The following ATP8B4 variants were observed in gnomAD, a reference collection of about 807,000 sequenced individuals.
The protein encoded by ATP8B4 is probable phospholipid-transporting ATPase IM.
In ATP8B4, 133 loss-of-function variants were observed where a neutral mutation model predicts 145.6. The ratio of observed to expected loss-of-function variants is 0.91; its 90% CI spans 0.79 to 1.05. The LOEUF (loss-of-function observed/expected upper bound fraction) is 1.05, where lower values mean the gene tolerates loss of function less well. Among genes scored for constraint, ATP8B4 ranks in the 50% least tolerant of loss-of-function variants. ATP8B4 has a pLI of 0.00. For synonymous variants in ATP8B4, 507 were observed against 492.9 expected (o/e 1.03, Z -0.38); for missense variants, 1,458 against 1,425.2 (o/e 1.02, Z -0.37).
intron 9 of ATP8B4, among the ~76,000 whole-genome samples, chr15:49,993,203 T>C (rs147250071): frequency 7.2e-4 from 108 of 151,044 alleles, no homozygotes; most frequent in Non-Finnish European, 1.4e-3. Context: ...GAGAGAGTGA[T>C]AAAAACAAAG....
At chr15:49,861,422 G>C (rs62020392) in intron 27 of ATP8B4, among the ~76,000 whole-genome samples, 358 of 148,360 alleles carry the variant, frequency 2.4e-3, no homozygotes, top group Non-Finnish European at 4.0e-3. Context: ...GTGTGTGTGT[G>C]TGTCTGTCTG....
intron 14 of ATP8B4, among the ~76,000 whole-genome samples, chr15:49,960,481 A>G (rs1314246656): frequency 6.6e-6 from 1 of 152,198 alleles, no homozygotes; most frequent in Admixed American, 6.5e-5. Flanking sequence ...ATAAATGGGT[A>G]AAGTCAGTAA....
chr15:50,080,572 AG>A (rs919374722), intron 2 of ATP8B4, among the ~76,000 whole-genome samples: 10 of 152,088 alleles, frequency 6.6e-5, no homozygotes, highest in African/African-American at 2.4e-4. Context: ...AAAAGATGAG[AG>A]GGACATAATA....
chr15:49,905,552 T>C (rs536423501), intron 20 of ATP8B4, among the ~76,000 whole-genome samples: 36 of 152,212 alleles, frequency 2.4e-4, no homozygotes, highest in Non-Finnish European at 4.3e-4. Flanking sequence ...TTCTCTTACA[T>C]AGAATTTTCT....
At chr15:50,143,371 G>C (rs907451897) in intron 1 of ATP8B4, among the ~76,000 whole-genome samples, 3 of 152,194 alleles carry the variant, frequency 2.0e-5, no homozygotes, top group Admixed American at 6.5e-5. Flanking sequence ...TCACTCACAT[G>C]GTGGGCACAT....
chr15:50,085,945 G>A (rs1414631930), intron 2 of ATP8B4, among the ~76,000 whole-genome samples: 1 of 87,098 alleles, frequency 1.1e-5, no homozygotes, highest in Non-Finnish European at 2.0e-5. Context: ...ATTTATATAT[G>A]ATATATATCA....
intron 23 of ATP8B4, 35 bp from the exon 24 acceptor site, chr15:49,879,494 C>T (rs1757649608): frequency 1.3e-6 from 2 of 1,530,908 alleles, no homozygotes; most frequent in Admixed American, 1.8e-5. Flanking sequence ...TGAGAAACAT[C>T]ATCCATAGTA....
chr15:49,919,372 C>T (rs780258767), intron 18 of ATP8B4, among the ~76,000 whole-genome samples: 2 of 152,130 alleles, frequency 1.3e-5, no homozygotes, highest in African/African-American at 2.4e-5. Flanking sequence ...AACCAGCAGA[C>T]GCCATAAACT....
intron 17 of ATP8B4, among the ~76,000 whole-genome samples, chr15:49,921,384 G>A (rs991716757): frequency 1.4e-4 from 22 of 152,226 alleles, no homozygotes; most frequent in Admixed American, 1.3e-3. Context: ...TTCCTGTATC[G>A]TGACAATCTC....
At chr15:50,104,319 A>T (rs1209918184) in intron 2 of ATP8B4, among the ~76,000 whole-genome samples, 1 of 152,158 alleles carries the variant, frequency 6.6e-6, no homozygotes, top group African/African-American at 2.4e-5. Context: ...AAATCTTCAC[A>T]ATCTATACAT....
intron 6 of ATP8B4, among the ~76,000 whole-genome samples, chr15:50,018,381 C>T (rs1342721088): frequency 6.6e-6 from 1 of 152,178 alleles, no homozygotes; most frequent in East Asian, 1.9e-4. Context: ...AAAATGACCC[C>T]TCTAATCTAG....
At chr15:50,077,083 T>A (rs1001913354) in intron 2 of ATP8B4, among the ~76,000 whole-genome samples, 14 of 152,316 alleles carry the variant, frequency 9.2e-5, no homozygotes, top group Non-Finnish European at 1.9e-4. Context: ...CTTCCATATG[T>A]AAGAGGAATG....
At chr15:50,087,733 T>C (rs910610683) in intron 2 of ATP8B4, among the ~76,000 whole-genome samples, 8 of 152,028 alleles carry the variant, frequency 5.3e-5, no homozygotes, top group Non-Finnish European at 7.4e-5. Context: ...TTATGTGACA[T>C]TGTGAAGTCA....
chr15:50,111,886 G>T (rs1017299031), intron 1 of ATP8B4, among the ~76,000 whole-genome samples: 17 of 152,214 alleles, frequency 1.1e-4, no homozygotes, highest in South Asian at 4.1e-4. Flanking sequence ...AGGAGATAAT[G>T]GCTGGGCGGG....
chr15:49,886,096 G>T (rs192581955), intron 23 of ATP8B4, among the ~76,000 whole-genome samples: 40 of 152,194 alleles, frequency 2.6e-4, no homozygotes, highest in Non-Finnish European at 5.4e-4. Flanking sequence ...TTATATGCTG[G>T]TTCCTAGCCC....
At position 49,972,611 on chromosome 15, in the gene ATP8B4, T is replaced by G; in HGVS notation, c.1214A>C (p.Lys405Thr). 1 of 1,613,766 alleles carries G rather than the reference T, an allele frequency of 6.2e-7. No homozygotes were observed. Among genetic ancestry groups the G allele is most frequent in the Non-Finnish European group, 8.5e-7 (1 of 1,179,766 alleles). The change falls in exon 13 of 28, where the codon AAA (lysine) becomes ACA (threonine). Residue 405 changes from lysine (K) to threonine (T), a missense_variant. By Grantham distance (78) the Lys-to-Thr change is moderately conservative (BLOSUM62 -1). Transcript: ENST00000284509. ...GTLTQNIMTF[K>T]RCSINGRIYG... ...GATTCTCCCATTAATGGAACATCTTTTAAAGGTCATGATGTTTTGAGTGAG... is the reference window on the plus strand; with the variant it reads ...GATTCTCCCATTAATGGAACATCTTGTAAAGGTCATGATGTTTTGAGTGAG...
chr15:50,026,864 G>A (rs1345211295), intron 6 of ATP8B4, among the ~76,000 whole-genome samples: 1 of 152,144 alleles, frequency 6.6e-6, no homozygotes, highest in Non-Finnish European at 1.5e-5. Context: ...TGGTACTTGT[G>A]ACGGACCACA....
chr15:50,004,811 C>T (rs1056437844), intron 7 of ATP8B4, among the ~76,000 whole-genome samples: 1 of 152,034 alleles, frequency 6.6e-6, no homozygotes, highest in African/African-American at 2.4e-5. Context: ...CAAGGGATAC[C>T]AAAATGAGTA....
At chr15:50,081,709 G>A (rs2054569506) in intron 2 of ATP8B4, among the ~76,000 whole-genome samples, 2 of 152,242 alleles carry the variant, frequency 1.3e-5, no homozygotes, top group Admixed American at 1.3e-4. Context: ...AAGAGCAAGA[G>A]TAAAGGGAAG....
Sources: gnomAD v4.1 joint callset for allele counts (sites outside exome capture counted in the v4.1 genomes callset) on GRCh38, gnomAD v4.1.1 for gene constraint, MANE v1.5 for transcripts, NCBI Gene and HGNC (gene_info 2026-07-23, HGNC 2026-07-21) for gene names.